Variants in PTBP2 observed in about 807,000 individuals in gnomAD.
PTBP2 encodes polypyrimidine tract-binding protein 2.
Under a neutral mutation model 61.4 loss-of-function variants are expected in PTBP2, and 13 were observed. The observed-to-expected ratio is 0.21, with a 90% CI of 0.14 to 0.34. PTBP2 has a LOEUF of 0.34. Among genes scored for constraint, PTBP2 ranks in the 10% least tolerant of loss-of-function variants. The pLI is 1.00. For missense variants in PTBP2, 405 were observed against 642.6 expected (o/e 0.63, Z 4.00); for synonymous variants, 215 against 218.5 (o/e 0.98, Z 0.14).
intron 2 of PTBP2, among the ~76,000 whole-genome samples, chr1:96,723,914 A>G (rs1433811519): frequency 3.3e-5 from 5 of 152,228 alleles, no homozygotes; most frequent in African/African-American, 9.6e-5. Flanking sequence ...AATGGATGGT[A>G]AGTGGTTTGA....
intron 9 of PTBP2, among the ~76,000 whole-genome samples, chr1:96,805,263 A>G: frequency 6.6e-6 from 1 of 152,126 alleles, no homozygotes; most frequent in Non-Finnish European, 1.5e-5. Flanking sequence ...CTAATTTGCA[A>G]ATTTAACTGT....
chr1:96,772,586 C>T (rs955798649), intron 5 of PTBP2, among the ~76,000 whole-genome samples: 1 of 152,138 alleles, frequency 6.6e-6, no homozygotes, highest in Non-Finnish European at 1.5e-5. Flanking sequence ...CCTCCCTCCC[C>T]CAGCCTCTGG....
intron 8 of PTBP2, among the ~76,000 whole-genome samples, chr1:96,794,932 G>A (rs1255452324): frequency 6.6e-6 from 1 of 152,118 alleles, no homozygotes; most frequent in Non-Finnish European, 1.5e-5. Context: ...AGTATTATGG[G>A]ACAAGATCTT....
intron 8 of PTBP2, among the ~76,000 whole-genome samples, chr1:96,793,875 G>A (rs1051520184): frequency 3.9e-5 from 6 of 151,990 alleles, no homozygotes; most frequent in East Asian, 1.9e-4. Context: ...AAGGTATTAC[G>A]GGCTACAGAT....
rs146421867 is a variant in PTBP2 at position 96,757,521 on chromosome 1, G to A, written c.115+6021G>A. Among the ~76,000 whole-genome samples, 189 of 152,158 alleles carry A rather than the reference G, an allele frequency of 1.2e-3. No homozygotes were observed. In the Middle Eastern group the frequency reaches 0.017, roughly 14 times the overall value. On this transcript the variant is annotated intron_variant, in intron 3 of 13. Coordinates refer to ENST00000674951, the MANE Select transcript of PTBP2 (RefSeq NM_021190.4). ...CTGGTTTTTTAAAACATAATTTATG[G>A]CAATTGATAGGATAGTACAGTCCTA... is the stretch of plus-strand genomic sequence containing the variant.
intron 5 of PTBP2, among the ~76,000 whole-genome samples, chr1:96,771,866 A>G (rs1250088127): frequency 1.3e-5 from 2 of 152,162 alleles, no homozygotes; most frequent in African/African-American, 4.8e-5. Flanking sequence ...TCTTTATGGT[A>G]AGAACATTTA....
At chr1:96,803,732 C>T (rs1335958004) in intron 8 of PTBP2, among the ~76,000 whole-genome samples, 2 of 152,008 alleles carry the variant, frequency 1.3e-5, no homozygotes, top group Non-Finnish European at 2.9e-5. Context: ...TGAAATGCAC[C>T]AGAAAGCTGG....
intron 8 of PTBP2, among the ~76,000 whole-genome samples, chr1:96,804,279 TTAAA>T (rs1252060382): frequency 1.3e-5 from 2 of 152,228 alleles, no homozygotes; most frequent in African/African-American, 2.4e-5. Flanking sequence ...TTTGCATGAA[TTAAA>T]TAATGATGTT....
exon 14 of PTBP2, chr1:96,822,125 A>G (rs952571542): frequency 1.3e-5 from 2 of 152,210 alleles, no homozygotes; most frequent in Admixed American, 6.5e-5. Context: ...ATTTCTTCCT[A>G]TCATGGGGCT....
chr1:96,801,852 A>G (rs1571002724), intron 8 of PTBP2, among the ~76,000 whole-genome samples: 2 of 133,306 alleles, frequency 1.5e-5, no homozygotes, highest in South Asian at 5.2e-4. Flanking sequence ...CAAGAGCAAG[A>G]CTCCATCTCA....
chr1:96,813,508 G>GT lies in PTBP2; in HGVS notation c.*110dup, dbSNP rs1219410703. The GT allele has an allele frequency of 1.1e-5, 13 of 1,169,652 alleles. No homozygotes were observed. Among genetic ancestry groups the GT allele is most frequent in the East Asian group, 2.8e-5 (1 of 35,618 alleles). The allele number at this position is 1,169,652 out of a possible 1,614,324, so 72.5% of individuals were successfully genotyped here. A position where few individuals can be genotyped will look rare whatever the true frequency, so the allele number is the denominator to read the frequency against. ...CCAGAGTTTGATTTTTTTTGTTTTTGTTTTTTTGGGGTTTCTTTTTTTTTT... is the reference window on the plus strand; with the variant it reads ...CCAGAGTTTGATTTTTTTTGTTTTTGTTTTTTTTGGGGTTTCTTTTTTTTTT... On this transcript the variant is annotated 3_prime_UTR_variant, in exon 14 of 14. Transcript: ENST00000674951.
chr1:96,809,667 C>T (rs1321010535), intron 11 of PTBP2, among the ~76,000 whole-genome samples: 1 of 152,074 alleles, frequency 6.6e-6, no homozygotes, highest in African/African-American at 2.4e-5. Context: ...CATGCACCAC[C>T]TGCCCGGCTA....
intron 3 of PTBP2, among the ~76,000 whole-genome samples, chr1:96,755,000 A>G (rs1471393786): frequency 1.3e-5 from 2 of 152,222 alleles, no homozygotes; most frequent in Non-Finnish European, 2.9e-5. Context: ...GGAATTTGAC[A>G]TCAGAATTAA....
At chr1:96,735,429 C>T (rs1371015780) in intron 2 of PTBP2, among the ~76,000 whole-genome samples, 3 of 152,128 alleles carry the variant, frequency 2.0e-5, no homozygotes, top group South Asian at 4.1e-4. Flanking sequence ...AACCTCTGAG[C>T]TTCAGTTTTA....
At chr1:96,733,504 C>T (rs1651730602) in intron 2 of PTBP2, among the ~76,000 whole-genome samples, 1 of 152,090 alleles carries the variant, frequency 6.6e-6, no homozygotes, top group South Asian at 2.1e-4. Context: ...CATAGCAAGA[C>T]CCCATCTCTA....
At chr1:96,756,365 A>G (rs1557714282) in intron 3 of PTBP2, among the ~76,000 whole-genome samples, 1 of 151,966 alleles carries the variant, frequency 6.6e-6, no homozygotes, top group Non-Finnish European at 1.5e-5. Flanking sequence ...CGCCCATTTC[A>G]CTCCAACCTG....
In PTBP2 at chr1:96,729,764, C is replaced by T. The variant is rs1373462235; in HGVS notation, c.39+6170C>T. On this transcript the variant is annotated intron_variant, in intron 2 of 13. Transcript: ENST00000674951. The stretch of plus-strand genomic sequence containing the variant: ...TTTTTTTTTTTTTTTTGAGACGGAG[C>T]CTTGCTCTGTCGCCCGGGCTGGAGT... Among the ~76,000 whole-genome samples the T allele has an allele frequency of 8.8e-5, 12 of 136,384 alleles. No homozygotes were observed. In the Admixed American group the frequency reaches 8.8e-4, roughly 10 times the overall value. 89.5% of individuals were successfully genotyped at this position (136,384 alleles called of 152,430 possible). A position where few individuals can be genotyped will look rare whatever the true frequency, so the allele number is the denominator to read the frequency against.
At chr1:96,776,066 A>G (rs891062437) in intron 5 of PTBP2, among the ~76,000 whole-genome samples, 6 of 152,028 alleles carry the variant, frequency 3.9e-5, no homozygotes, top group Non-Finnish European at 5.9e-5. Flanking sequence ...ACAGAGTTGC[A>G]GGGGAATTTT....
chr1:96,756,466 C>G (rs985851946), intron 3 of PTBP2, among the ~76,000 whole-genome samples: 2 of 152,208 alleles, frequency 1.3e-5, no homozygotes, highest in Non-Finnish European at 2.9e-5. Context: ...GAGTTGAAAA[C>G]TTAGTCTGCG....
Sources: gnomAD v4.1 joint callset for allele counts (sites outside exome capture counted in the v4.1 genomes callset) on GRCh38, gnomAD v4.1.1 for gene constraint, MANE v1.5 for transcripts, NCBI Gene and HGNC (gene_info 2026-07-23, HGNC 2026-07-21) for gene names.